The following CNTN5 variants were observed in gnomAD, a reference collection of about 807,000 sequenced individuals.
CNTN5 encodes the protein contactin 5.
Under a neutral mutation model 129.1 loss-of-function variants are expected in CNTN5, and 77 were observed. That is an observed-to-expected ratio of 0.60 (90% CI 0.50 to 0.72). The LOEUF (loss-of-function observed/expected upper bound fraction) is 0.72, where lower values mean the gene tolerates loss of function less well. Ranked by LOEUF, CNTN5 falls within the 30% of genes least tolerant of loss-of-function variation. The pLI is 0.00. For synonymous variants in CNTN5, 509 were observed against 465.6 expected, an observed-to-expected ratio of 1.09 and a Z score of -1.20; for missense variants, 1,478 against 1,328.8, an observed-to-expected ratio of 1.11 and a Z score of -1.75.
At chr11:99,484,877 T>TA (rs1945748383) in intron 2 of CNTN5, among the ~76,000 whole-genome samples, 1 of 151,856 alleles carries the variant, frequency 6.6e-6, no homozygotes, top group South Asian at 2.1e-4. Context: ...CTCATAGAAG[T>TA]AAAAAGTAGA....
chr11:99,599,974 T>A lies in CNTN5; in HGVS notation c.55+43705T>A, dbSNP rs72997242. ...TTTAAAAGTAAAGAGAAAAAAACCT[T>A]TCCTGATGACGGCAGGACTGAAGTT... On this transcript the variant is annotated intron_variant, in intron 3 of 24. Coordinates refer to ENST00000524871, the MANE Select transcript of CNTN5 (RefSeq NM_014361.4). Among the ~76,000 whole-genome samples the A allele has an allele frequency of 8.7e-3, 1,326 of 152,204 alleles. 11 individuals are homozygous for A. The highest frequency in any genetic ancestry group is 0.013 in the Non-Finnish European group (885 of 67,998).
intron 6 of CNTN5, among the ~76,000 whole-genome samples, chr11:99,884,574 T>A (rs924164912): frequency 6.6e-6 from 1 of 152,194 alleles, no homozygotes; most frequent in Non-Finnish European, 1.5e-5. Context: ...AGAATTATGA[T>A]TCCACAGATA....
At chr11:99,524,916 A>G (rs1249030572) in intron 2 of CNTN5, among the ~76,000 whole-genome samples, 1 of 152,184 alleles carries the variant, frequency 6.6e-6, no homozygotes, top group East Asian at 1.9e-4. Flanking sequence ...TTAGTCATCA[A>G]GTTCTTATGA....
intron 16 of CNTN5, among the ~76,000 whole-genome samples, chr11:100,244,698 G>A (rs531320234): frequency 6.6e-6 from 1 of 152,078 alleles, no homozygotes; most frequent in Non-Finnish European, 1.5e-5. Context: ...TGCTATAATA[G>A]GATATCTGTA....
intron 3 of CNTN5, among the ~76,000 whole-genome samples, chr11:99,739,123 T>C (rs371571790): frequency 6.6e-6 from 1 of 152,192 alleles, no homozygotes; most frequent in East Asian, 1.9e-4. Flanking sequence ...GCTGTCTTTA[T>C]AGCTGTTCTC....
intron 8 of CNTN5, among the ~76,000 whole-genome samples, chr11:99,969,346 G>A (rs1951186099): frequency 6.6e-6 from 1 of 152,036 alleles, no homozygotes; most frequent in Non-Finnish European, 1.5e-5. Flanking sequence ...TTTGATAACT[G>A]GCATTGTAAC....
intron 1 of CNTN5, among the ~76,000 whole-genome samples, chr11:99,205,833 A>T (rs1859451625): frequency 6.6e-6 from 1 of 152,180 alleles, no homozygotes; most frequent in Non-Finnish European, 1.5e-5. Flanking sequence ...AAGCTGAAAA[A>T]AAATAAAAAG....
intron 21 of CNTN5, chr11:100,336,862 G>T (rs1207546942): frequency 1.0e-5 from 5 of 495,216 alleles, no homozygotes; most frequent in African/African-American, 9.8e-5. Flanking sequence ...TCTAGATGTG[G>T]AACAGTGGAT....
intron 2 of CNTN5, among the ~76,000 whole-genome samples, chr11:99,344,847 G>T (rs952395300): frequency 1.3e-5 from 2 of 152,118 alleles, no homozygotes; most frequent in Non-Finnish European, 2.9e-5. Flanking sequence ...GAGCTGTAAG[G>T]CCCCTTAAAA....
rs557805874 is a variant in CNTN5, at chr11:99,690,089, T to C, written c.56-129455T>C. On this transcript the variant is annotated intron_variant, in intron 3 of 24. Coordinates refer to ENST00000524871, the MANE Select transcript of CNTN5 (RefSeq NM_014361.4). ...TTTACATCTAAGTCTTTAATTCATC[T>C]TGAGTTAATTTTTGTATATGGTGTA... Among the ~76,000 whole-genome samples the C allele has an allele frequency of 5.3e-5, 8 of 152,306 alleles. No individual in the cohort carries two copies. The South Asian group carries it at 1.2e-3, about 24-fold the overall frequency.
chr11:99,826,068 C>A (rs144135393), intron 4 of CNTN5, among the ~76,000 whole-genome samples: 159 of 152,064 alleles, frequency 1.0e-3, no homozygotes, highest in African/African-American at 3.2e-3. Flanking sequence ...TTTGGAGTAT[C>A]GTAAGCATAT....
chr11:99,900,345 A>G (rs1460978388), intron 6 of CNTN5, among the ~76,000 whole-genome samples: 1 of 151,886 alleles, frequency 6.6e-6, no homozygotes, highest in African/African-American at 2.4e-5. Flanking sequence ...ATTTATGTAT[A>G]TTGAGCCATC....
At chr11:99,748,762 T>C (rs1219063) in intron 3 of CNTN5, among the ~76,000 whole-genome samples, 109,428 of 152,060 alleles carry the variant, frequency 0.72, 39,554 homozygotes, top group East Asian at 0.84. Flanking sequence ...CTTTCTCTAC[T>C]TTTTTGTTCT....
chr11:99,857,473 A>G (rs1948076435), intron 6 of CNTN5, among the ~76,000 whole-genome samples: 1 of 152,178 alleles, frequency 6.6e-6, no homozygotes, highest in Admixed American at 6.5e-5. Flanking sequence ...GAATCAAATC[A>G]TACAATTTAT....
intron 3 of CNTN5, among the ~76,000 whole-genome samples, chr11:99,628,573 C>T (rs1729729260): frequency 6.6e-6 from 1 of 151,566 alleles, no homozygotes; most frequent in Non-Finnish European, 1.5e-5. Context: ...TCTATCTACA[C>T]ACACTTCCAT....
intron 1 of CNTN5, among the ~76,000 whole-genome samples, chr11:99,047,122 T>C (rs551213712): frequency 1.2e-4 from 18 of 152,114 alleles, no homozygotes; most frequent in African/African-American, 4.3e-4. Flanking sequence ...AACATGGCAA[T>C]GATTATCCAT....
intron 3 of CNTN5, among the ~76,000 whole-genome samples, chr11:99,772,481 A>G (rs937529165): frequency 4.6e-5 from 7 of 151,954 alleles, no homozygotes; most frequent in Admixed American, 3.9e-4. Flanking sequence ...AAAAATCCCC[A>G]TTGATTTTTA....
Position 100,042,038 on chromosome 11 carries a change from C to T in CNTN5, c.981-19174C>T, listed in dbSNP as rs146101168. On this transcript the variant is annotated intron_variant, in intron 9 of 24. Coordinates refer to ENST00000524871, the MANE Select transcript of CNTN5 (RefSeq NM_014361.4). Reference sequence around the variant, plus strand: ...AATTATTCTAATCATTTGGAGACTGCGACAATGTGGTCCCCTGCCTCAAGG... The same window carrying T: ...AATTATTCTAATCATTTGGAGACTGTGACAATGTGGTCCCCTGCCTCAAGG... Among the ~76,000 whole-genome samples, 124 of 152,228 alleles carry T rather than the reference C, an allele frequency of 8.1e-4. No homozygotes were observed. In the East Asian group the frequency reaches 0.016, roughly 20 times the overall value.
chr11:99,802,343 C>T (rs1231066), intron 3 of CNTN5, among the ~76,000 whole-genome samples: 1 of 151,940 alleles, frequency 6.6e-6, no homozygotes, highest in Non-Finnish European at 1.5e-5. Context: ...GTTTTCTGAA[C>T]TGCCTGATTA....
Sources: allele counts gnomAD v4.1 joint callset (sites outside exome capture counted in the v4.1 genomes callset), GRCh38; gene constraint gnomAD v4.1.1; transcripts MANE v1.5; gene names NCBI Gene and HGNC (gene_info 2026-07-23, HGNC 2026-07-21).